Variants in FGGY observed in about 807,000 individuals in gnomAD.
The protein encoded by FGGY is FGGY carbohydrate kinase domain containing.
Under a neutral mutation model 71.3 loss-of-function variants are expected in FGGY, and 72 were observed. The observed-to-expected ratio is 1.01, with a 90% CI of 0.84 to 1.23. The LOEUF is 1.23. Ranked by LOEUF, FGGY falls within the 50% of genes most tolerant of loss-of-function variation. FGGY has a pLI of 0.00. For synonymous variants in FGGY, 251 were observed against 250.3 expected, an observed-to-expected ratio of 1.00 and a Z score of -0.02; for missense variants, 668 against 682.3, an observed-to-expected ratio of 0.98 and a Z score of 0.23.
chr1:59,541,992 G>A (rs191355606), intron 7 of FGGY, among the ~76,000 whole-genome samples: 2 of 152,318 alleles, frequency 1.3e-5, no homozygotes, highest in East Asian at 1.9e-4. Flanking sequence ...CCTGTCCTGC[G>A]TAAATACTAC....
At chr1:59,459,102 A>G (rs1028808931) in intron 6 of FGGY, among the ~76,000 whole-genome samples, 1 of 152,192 alleles carries the variant, frequency 6.6e-6, no homozygotes, top group African/African-American at 2.4e-5. Context: ...CTCCATGTGG[A>G]GCTTTTAGCC....
Position 59,460,102 on chromosome 1 carries a change from G to T in FGGY, c.670+3026G>T, listed in dbSNP as rs376561508. Among the ~76,000 whole-genome samples, 3 of 152,044 alleles carry T rather than the reference G, an allele frequency of 2.0e-5. No individual in the cohort carries two copies. In the East Asian group the frequency reaches 5.8e-4, roughly 29 times the overall value. On this transcript the variant is annotated intron_variant, in intron 6 of 15. Coordinates refer to ENST00000303721, the MANE Select transcript of FGGY (RefSeq NM_018291.5). ...GGCTGCTTTTTAAATGGGTTTCCTC[G>T]ACCCGGGAAGCACAAGGGGTGGGGG...
At chr1:59,668,069 A>G (rs2097341440) in intron 13 of FGGY, among the ~76,000 whole-genome samples, 1 of 152,176 alleles carries the variant, frequency 6.6e-6, no homozygotes, top group Non-Finnish European at 1.5e-5. Context: ...GCTCATCAGA[A>G]TCAGGGATCA....
At chr1:59,656,287 C>T (rs1177229235) in intron 11 of FGGY, among the ~76,000 whole-genome samples, 2 of 152,212 alleles carry the variant, frequency 1.3e-5, no homozygotes, top group African/African-American at 4.8e-5. Context: ...TGGAACCATT[C>T]AGCCTCCAGC....
rs564767845 is a variant in FGGY, at chr1:59,380,365, C to A, written c.554+1528C>A. 1.1e-4 allele frequency among the ~76,000 whole-genome samples: 16 copies of A among 151,190 alleles called. 1 individual carries two copies. In the East Asian group the frequency reaches 1.4e-3, roughly 13 times the overall value. On this transcript the variant is annotated intron_variant, in intron 5 of 15. Coordinates refer to ENST00000303721, the MANE Select transcript of FGGY (RefSeq NM_018291.5). ...TTCTAGTTCTAGATCCCTGAGGAAT[C>A]GCCACACTGACTTCCACAATGGTTG...
intron 8 of FGGY, among the ~76,000 whole-genome samples, chr1:59,606,512 C>T (rs1433178250): frequency 6.6e-6 from 1 of 152,072 alleles, no homozygotes; most frequent in Non-Finnish European, 1.5e-5. Context: ...TAGTCATTGG[C>T]TGTTATGTAT....
At chr1:59,392,462 T>C (rs2153382269) in intron 5 of FGGY, among the ~76,000 whole-genome samples, 1 of 152,276 alleles carries the variant, frequency 6.6e-6, no homozygotes, top group Non-Finnish European at 1.5e-5. Context: ...CAGACTTTTC[T>C]CATCTGCAAA....
At chr1:59,613,343 T>A (rs2096711756) in intron 9 of FGGY, among the ~76,000 whole-genome samples, 1 of 152,144 alleles carries the variant, frequency 6.6e-6, no homozygotes, top group South Asian at 2.1e-4. Context: ...TTTCAGAAAC[T>A]CACTCAAAAC....
At chr1:59,759,041 A>G (rs2098319612) in intron 15 of FGGY, among the ~76,000 whole-genome samples, 1 of 152,182 alleles carries the variant, frequency 6.6e-6, no homozygotes, top group South Asian at 2.1e-4. Context: ...CTAGAGATGT[A>G]AAAGACCTCT....
intron 5 of FGGY, among the ~76,000 whole-genome samples, chr1:59,421,788 T>A (rs1048748880): frequency 4.6e-5 from 7 of 151,228 alleles, no homozygotes; most frequent in Non-Finnish European, 1.0e-4. Context: ...GTAGCCTTCT[T>A]GGGCTTGAGG....
At chr1:59,731,962 T>C (rs909863161) in intron 14 of FGGY, among the ~76,000 whole-genome samples, 2 of 152,172 alleles carry the variant, frequency 1.3e-5, no homozygotes, top group African/African-American at 2.4e-5. Context: ...TCCTGCTCTC[T>C]CATTAGCTGT....
chr1:59,739,809 A>G (rs865908347), intron 14 of FGGY, among the ~76,000 whole-genome samples: 2 of 152,148 alleles, frequency 1.3e-5, no homozygotes, highest in African/African-American at 2.4e-5. Flanking sequence ...TGTGGACACT[A>G]TAAATCAAAG....
chr1:59,359,703 A>G (rs1252004385), intron 4 of FGGY, among the ~76,000 whole-genome samples: 2 of 152,154 alleles, frequency 1.3e-5, no homozygotes, highest in Non-Finnish European at 2.9e-5. Context: ...TGGAGAGGCT[A>G]TGGATTAGAT....
intron 6 of FGGY, among the ~76,000 whole-genome samples, chr1:59,475,882 A>G (rs1469574745): frequency 6.6e-6 from 1 of 152,176 alleles, no homozygotes; most frequent in African/African-American, 2.4e-5. Flanking sequence ...TGTAAATCAG[A>G]TCATGTTACT....
chr1:59,658,713 G>A (rs1263604639), intron 11 of FGGY, among the ~76,000 whole-genome samples: 2 of 152,192 alleles, frequency 1.3e-5, no homozygotes, highest in Non-Finnish European at 2.9e-5. Flanking sequence ...AAGAACAGTC[G>A]ATCTAGCTCT....
chr1:59,306,182 C>T (rs2043410793), intron 1 of FGGY, among the ~76,000 whole-genome samples: 1 of 152,092 alleles, frequency 6.6e-6, no homozygotes, highest in Non-Finnish European at 1.5e-5. Flanking sequence ...CCTGTCACTA[C>T]ATCTTGGCTG....
intron 5 of FGGY, among the ~76,000 whole-genome samples, chr1:59,409,268 A>G (rs992379809): frequency 6.6e-6 from 1 of 152,180 alleles, no homozygotes; most frequent in African/African-American, 2.4e-5. Flanking sequence ...GGGAGTGTGG[A>G]TTTTAGAAAG....
intron 7 of FGGY, among the ~76,000 whole-genome samples, chr1:59,524,673 C>G (rs1206798921): frequency 1.3e-5 from 2 of 152,204 alleles, no homozygotes; most frequent in Non-Finnish European, 2.9e-5. Context: ...AAGGAGCTAC[C>G]CACTTCGGGT....
chr1:59,463,550 A>G (rs886158070), intron 6 of FGGY, among the ~76,000 whole-genome samples: 3 of 152,220 alleles, frequency 2.0e-5, no homozygotes, highest in Non-Finnish European at 4.4e-5. Context: ...GGCCCCAATT[A>G]AAAGACACAG....
Sources: gnomAD v4.1 joint callset for allele counts (sites outside exome capture counted in the v4.1 genomes callset) on GRCh38, gnomAD v4.1.1 for gene constraint, MANE v1.5 for transcripts, NCBI Gene and HGNC (gene_info 2026-07-23, HGNC 2026-07-21) for gene names.